SYCE1: variants seen among roughly 807,000 people sequenced by gnomAD.
SYCE1 encodes the protein synaptonemal complex central element protein 1.
In SYCE1, 37 loss-of-function variants were observed where a neutral mutation model predicts 55.1. The observed-to-expected ratio is 0.67, with a 90% confidence interval of 0.52 to 0.88. SYCE1 has a LOEUF of 0.88. Ranked by LOEUF, SYCE1 falls within the 40% of genes least tolerant of loss-of-function variation. SYCE1 has a pLI of 0.00. For synonymous variants in SYCE1, 163 were observed against 159.4 expected, an observed-to-expected ratio of 1.02 and a Z score of -0.17; for missense variants, 399 against 416.4, an observed-to-expected ratio of 0.96 and a Z score of 0.36.
chr10:133,556,974 G>T, intron 7 of SYCE1, 93 bp downstream of exon 7: 1 of 1,482,070 alleles, frequency 6.7e-7, no homozygotes, highest in Non-Finnish European at 9.4e-7. Context: ...AATCTCCATG[G>T]CTCAGTGTAG....
At position 133,558,830 on chromosome 10, in the gene SYCE1, G is replaced by A. The variant is rs74162042; in HGVS notation, c.271+47C>T. On this transcript the variant is annotated intron_variant, in intron 4 of 12. Coordinates refer to ENST00000343131, the MANE Select transcript of SYCE1 (RefSeq NM_001143764.3). Reference sequence around the variant, plus strand: ...TTATCTGGAATACAGGGTTAGGGGAGGCTTAAGACACTGTGGGGACCTCTG... The same window carrying A: ...TTATCTGGAATACAGGGTTAGGGGAAGCTTAAGACACTGTGGGGACCTCTG... The A allele has an allele frequency of 2.0e-3, 3,209 of 1,586,902 alleles. 44 individuals are homozygous for A. The African/African-American group carries it at 0.029, about 14-fold the overall frequency.
chr10:133,565,168 G>A (rs1564859522), intron 1 of SYCE1, among the ~76,000 whole-genome samples: 1 of 152,178 alleles, frequency 6.6e-6, no homozygotes, highest in African/African-American at 2.4e-5. Flanking sequence ...TTTGTTTTAA[G>A]AGGTGTGTAT....
At chr10:133,566,108 C>T (rs1034522621), upstream of SYCE1, among the ~76,000 whole-genome samples, 19 of 152,214 alleles carry the variant, frequency 1.2e-4, no homozygotes, top group African/African-American at 4.3e-4. Flanking sequence ...CCACAGTGGC[C>T]GAGGCCGGCC....
chr10:133,565,063 G>A (rs974555642), intron 1 of SYCE1, among the ~76,000 whole-genome samples: 4 of 152,194 alleles, frequency 2.6e-5, no homozygotes, highest in Non-Finnish European at 4.4e-5. Context: ...AACCAGTTTA[G>A]TGCGACTGGG....
rs1272878372 is a variant in SYCE1 at position 133,560,091 on chromosome 10, C to T, written c.136G>A (p.Val46Met). 2 of 1,613,930 alleles carry T rather than the reference C, an allele frequency of 1.2e-6. No homozygotes were observed. Among genetic ancestry groups the T allele is most frequent in the Non-Finnish European group, 1.7e-6 (2 of 1,179,938 alleles). ...LMEMVQKLQKVGSLEPRVEVL... is the reference protein window; with the variant it reads ...LMEMVQKLQKMGSLEPRVEVL... ...GCCTCACACAAAGGAGACACACGAC[C>T]TTTCTGCAGCTTTTGCACCATTTCC... Residue 46 changes from valine to methionine, a missense_variant and splice_region_variant, in exon 2 of 13, where the codon GTG becomes ATG. Transcript: ENST00000343131.
chr10:133,568,060 G>A (rs781453249), upstream of SYCE1: 1 of 645,028 alleles, frequency 1.6e-6, no homozygotes, highest in Non-Finnish European at 2.8e-6. Flanking sequence ...GTGCGGCCCG[G>A]GGGCCAGATG....
chr10:133,561,834 G>C (rs1034514932), intron 1 of SYCE1, among the ~76,000 whole-genome samples: 4 of 151,930 alleles, frequency 2.6e-5, no homozygotes, highest in African/African-American at 9.7e-5. Flanking sequence ...ATTCTGACTT[G>C]ATCAAATCCA....
upstream of SYCE1, chr10:133,567,899 C>T (rs548235150): frequency 4.7e-5 from 24 of 507,170 alleles, no homozygotes; most frequent in Admixed American, 1.1e-4. Flanking sequence ...GCTGAGGCGG[C>T]GTGGGCAGGC....
rs116179490 is a variant in SYCE1, at chr10:133,559,252, G to A, written c.196+49C>T. The stretch of plus-strand genomic sequence containing the variant: ...GCATTCTCACTTGGCACTGAGCCCC[G>A]CAAACCATGCAGCTGGTCCTAGCTG... On this transcript the variant is annotated intron_variant, in intron 3 of 12. Transcript: ENST00000343131. 3,970 of 1,598,438 alleles carry A rather than the reference G, an allele frequency of 2.5e-3. No homozygotes were observed. The African/African-American group carries it at 0.046, about 18-fold the overall frequency.
upstream of SYCE1, among the ~76,000 whole-genome samples, chr10:133,567,114 G>C (rs780761947): frequency 3.3e-5 from 5 of 151,560 alleles, no homozygotes; most frequent in African/African-American, 4.9e-5. Context: ...TAGGAGTAGG[G>C]GTTGAGGTTA....
upstream of SYCE1, among the ~76,000 whole-genome samples, chr10:133,567,006 G>C (rs1194890500): frequency 2.6e-5 from 4 of 151,782 alleles, no homozygotes; most frequent in South Asian, 6.2e-4. Flanking sequence ...GTTAGGATTT[G>C]TGGTTACGGT....
upstream of SYCE1, chr10:133,568,120 G>C (rs188775566): frequency 2.2e-3 from 1,715 of 778,704 alleles, no homozygotes; most frequent in African/African-American, 0.025. Context: ...CCAGGGCACT[G>C]AGGGCGCCAC....
At chr10:133,568,172 C>T (rs1319800743), upstream of SYCE1, 7 of 982,040 alleles carry the variant, frequency 7.1e-6, no homozygotes, top group Non-Finnish European at 9.4e-6. Context: ...GGGTCCAGCG[C>T]CCGAAGTCCA....
At position 133,558,066 on chromosome 10, in the gene SYCE1, C is replaced by T. The variant is rs954710773; in HGVS notation, c.319+101G>A. On this transcript the variant is annotated intron_variant, in intron 5 of 12. Transcript: ENST00000343131. The stretch of plus-strand genomic sequence containing the variant: ...TCTGGTGGAAGCCACAGGAGAGAGG[C>T]AAGCTGGGACAGGTTTCAAAAGGCT... 1.9e-6 allele frequency: 3 copies of T among 1,551,620 alleles called. No individual in the cohort carries two copies. The African/African-American group carries it at 4.1e-5, about 21-fold the overall frequency.
upstream of SYCE1, chr10:133,565,724 C>T (rs769925513): frequency 8.6e-6 from 5 of 582,170 alleles, no homozygotes; most frequent in South Asian, 2.3e-5. Context: ...GGGCTACAAA[C>T]GCGGCGGGAA....
intron 4 of SYCE1, 53 bp downstream of exon 4, chr10:133,558,823 TA>T (rs1188241175): frequency 6.4e-7 from 1 of 1,567,484 alleles, no homozygotes; most frequent in Non-Finnish European, 8.8e-7. Context: ...AATACAGGGT[TA>T]GGGGAGGCTT....
At chr10:133,559,124 G>A in intron 3 of SYCE1, 173 bp from the exon 4 acceptor site, 2 of 914,980 alleles carry the variant, frequency 2.2e-6, no homozygotes, top group Admixed American at 2.5e-5. Context: ...CCAGGATCAT[G>A]GGCATGTAAC....
chr10:133,554,297 C>T (rs1291655545), downstream of SYCE1: 9 of 1,614,032 alleles, frequency 5.6e-6, no homozygotes, highest in South Asian at 9.9e-5. Flanking sequence ...TCTTCAACTC[C>T]ACCATGTCAC....
intron 1 of SYCE1, among the ~76,000 whole-genome samples, chr10:133,563,425 A>G (rs140467223): frequency 1.1e-3 from 172 of 152,294 alleles, no homozygotes; most frequent in African/African-American, 3.9e-3. Flanking sequence ...GTTCACATCC[A>G]TAATCCCAGC....
Sources: gnomAD v4.1 joint callset for allele counts (sites outside exome capture counted in the v4.1 genomes callset) on GRCh38, gnomAD v4.1.1 for gene constraint, MANE v1.5 for transcripts, NCBI Gene and HGNC (gene_info 2026-07-23, HGNC 2026-07-21) for gene names.